The following PTDSS1 variants were observed in gnomAD, a reference collection of about 807,000 sequenced individuals.
PTDSS1 encodes the protein PSS-1.
In PTDSS1, 45 loss-of-function variants were observed where a neutral mutation model predicts 70.5. The ratio of observed to expected loss-of-function variants is 0.64; its 90% CI spans 0.50 to 0.82. PTDSS1 has a LOEUF of 0.82. Among genes scored for constraint, PTDSS1 ranks in the 40% least tolerant of loss-of-function variants. The pLI is 0.00. For synonymous variants in PTDSS1, 188 were observed against 203.8 expected (o/e 0.92, Z 0.66); for missense variants, 417 against 586.1 (o/e 0.71, Z 2.98).
In PTDSS1 at chr8:96,323,065, A is replaced by C. The variant is rs190538310; in HGVS notation, c.1173+2720A>C. On this transcript the variant is annotated intron_variant, in intron 10 of 12. Coordinates refer to ENST00000517309, the MANE Select transcript of PTDSS1 (RefSeq NM_014754.3). Reference sequence around the variant, plus strand: ...CAGTCCCAAGTAAGTACAGAACCCAACAGGGAAACATTACATCTTAAAGCT... The same window carrying C: ...CAGTCCCAAGTAAGTACAGAACCCACCAGGGAAACATTACATCTTAAAGCT... 8.5e-5 allele frequency among the ~76,000 whole-genome samples: 13 copies of C among 152,388 alleles called. No homozygotes were observed. In the East Asian group the frequency reaches 2.5e-3, roughly 29 times the overall value.
At chr8:96,315,704 A>T (rs910324982) in intron 9 of PTDSS1, among the ~76,000 whole-genome samples, 2 of 152,170 alleles carry the variant, frequency 1.3e-5, no homozygotes, top group Non-Finnish European at 2.9e-5. Context: ...GAAGCACCTC[A>T]GGCTGCCCAA....
chr8:96,281,453 C>T (rs1387813267), intron 2 of PTDSS1, among the ~76,000 whole-genome samples: 1 of 152,088 alleles, frequency 6.6e-6, no homozygotes, highest in Non-Finnish European at 1.5e-5. Context: ...CTTTTGTAGG[C>T]AAAAGTTACC....
chr8:96,282,847 C>T (rs1810759861), intron 2 of PTDSS1, among the ~76,000 whole-genome samples: 1 of 152,146 alleles, frequency 6.6e-6, no homozygotes, highest in Admixed American at 6.5e-5. Flanking sequence ...AGGAGTGGCT[C>T]ACAGTGTCAT....
At chr8:96,276,718 G>T (rs143468535) in intron 2 of PTDSS1, among the ~76,000 whole-genome samples, 1,751 of 152,244 alleles carry the variant, frequency 0.012, 36 homozygotes, top group African/African-American at 0.041. Context: ...GTCTCCTGCT[G>T]TTTCTCTTTT....
At chr8:96,272,465 A>T (rs1339570811) in intron 1 of PTDSS1, among the ~76,000 whole-genome samples, 1 of 152,174 alleles carries the variant, frequency 6.6e-6, no homozygotes, top group East Asian at 1.9e-4. Flanking sequence ...AATGTCTTTT[A>T]TACCAACCCT....
intron 9 of PTDSS1, among the ~76,000 whole-genome samples, chr8:96,314,471 G>A (rs920342786): frequency 6.6e-6 from 1 of 152,114 alleles, no homozygotes; most frequent in African/African-American, 2.4e-5. Flanking sequence ...AGTCACCGCC[G>A]TCCTGCTGGT....
chr8:96,294,417 A>G (rs1810947154), intron 4 of PTDSS1, among the ~76,000 whole-genome samples: 1 of 152,224 alleles, frequency 6.6e-6, no homozygotes, highest in Non-Finnish European at 1.5e-5. Context: ...ATGATAAGAT[A>G]TTAAATTACT....
chr8:96,276,690 C>T (rs752076540), intron 2 of PTDSS1, among the ~76,000 whole-genome samples: 4 of 152,174 alleles, frequency 2.6e-5, no homozygotes, highest in Non-Finnish European at 5.9e-5. Flanking sequence ...CTCTGGCTTT[C>T]TCCATAATAT....
chr8:96,270,422 A>G (rs1038655108), intron 1 of PTDSS1, among the ~76,000 whole-genome samples: 3 of 152,194 alleles, frequency 2.0e-5, no homozygotes, highest in Non-Finnish European at 4.4e-5. Context: ...CAGACCTTAT[A>G]GAATGGCCCT....
intron 2 of PTDSS1, among the ~76,000 whole-genome samples, chr8:96,278,972 C>CCCTTT (rs1554582702): frequency 4.9e-5 from 6 of 122,636 alleles, no homozygotes; most frequent in African/African-American, 1.9e-4. Flanking sequence ...TTCAGCCCCC[C>CCCTTT]TTTTTTTTTT....
At chr8:96,294,408 T>C (rs1810947014) in intron 4 of PTDSS1, among the ~76,000 whole-genome samples, 1 of 152,228 alleles carries the variant, frequency 6.6e-6, no homozygotes, top group Non-Finnish European at 1.5e-5. Context: ...TGCAGTCATA[T>C]GATAAGATAT....
At position 96,263,471 on chromosome 8, in the gene PTDSS1, A is replaced by AG. The variant is rs542838899; in HGVS notation, c.179+1256dup. The stretch of plus-strand genomic sequence containing the variant: ...GTTGCATAACCTTGCTCTGAGCCTC[A>AG]GGGGCCACACTCGTAAAATGGGGAT... On this transcript the variant is annotated intron_variant, in intron 1 of 12. Transcript: ENST00000517309. Among the ~76,000 whole-genome samples, 5 of 152,318 alleles carry AG rather than the reference A, an allele frequency of 3.3e-5. No homozygotes were observed. In the South Asian group the frequency reaches 1.0e-3, roughly 32 times the overall value.
intron 10 of PTDSS1, among the ~76,000 whole-genome samples, chr8:96,328,168 C>T (rs1811465083): frequency 6.6e-6 from 1 of 152,138 alleles, no homozygotes; most frequent in Non-Finnish European, 1.5e-5. Flanking sequence ...GCGTGCCTGC[C>T]CTCTGGTGGT....
chr8:96,327,832 C>T (rs1355803955), intron 10 of PTDSS1, among the ~76,000 whole-genome samples: 2 of 152,162 alleles, frequency 1.3e-5, no homozygotes, highest in African/African-American at 4.8e-5. Context: ...GTAGTTTCTT[C>T]TCGCCCCCCC....
chr8:96,336,175 C>T lies in PTDSS1; in HGVS notation c.*2609C>T, dbSNP rs749159517. The T allele has an allele frequency of 6.6e-6, 1 of 152,034 alleles. No individual in the cohort carries two copies. Among genetic ancestry groups the T allele is most frequent in the Non-Finnish European group, 1.5e-5 (1 of 68,038 alleles). The allele number at this position is 152,034 out of a possible 1,614,324, so 9.4% of individuals were successfully genotyped here. ...ATTTTGATGATACAAGACATCCTAT[C>T]AATGCCAGTCTTATTTTCGCTAGGA... On this transcript the variant is annotated 3_prime_UTR_variant, in exon 13 of 13. Coordinates refer to ENST00000517309, the MANE Select transcript of PTDSS1 (RefSeq NM_014754.3).
rs572247820 is a variant in PTDSS1, at chr8:96,262,313, G to A, written c.179+94G>A. The A allele has an allele frequency of 2.1e-6, 3 of 1,426,234 alleles. No individual in the cohort carries two copies. The highest frequency in any genetic ancestry group is 2.4e-5 in the East Asian group (1 of 41,388). The allele number at this position is 1,426,234 out of a possible 1,614,324, so 88.3% of individuals were successfully genotyped here. A position where few individuals can be genotyped will look rare whatever the true frequency, so the allele number is the denominator to read the frequency against. On this transcript the variant is annotated intron_variant, in intron 1 of 12. Transcript: ENST00000517309. This position sits in a 1 kb window ranked among gnomAD's most constrained non-coding sequence, Gnocchi z 4.4. ...GGAGGGGGGCCCGGCATGGCTCTGG[G>A]TGAGGAAGTGGGCTGGCTGCTCCAC...
chr8:96,280,948 G>A (rs1017327897), intron 2 of PTDSS1, among the ~76,000 whole-genome samples: 39 of 152,178 alleles, frequency 2.6e-4, no homozygotes, highest in African/African-American at 9.2e-4. Flanking sequence ...AATAAGATCT[G>A]TGGGGAAGGC....
intron 8 of PTDSS1, among the ~76,000 whole-genome samples, chr8:96,308,505 A>C (rs1404604973): frequency 6.6e-6 from 1 of 152,156 alleles, no homozygotes; most frequent in Non-Finnish European, 1.5e-5. Flanking sequence ...TTCCTGGTTC[A>C]GGTGCTACTG....
At chr8:96,309,472 T>C in intron 8 of PTDSS1, 85 bp from the exon 9 acceptor site, 1 of 1,318,954 alleles carries the variant, frequency 7.6e-7, no homozygotes, top group Admixed American at 1.8e-5. Flanking sequence ...GAGGGACGTT[T>C]TTTACTTTGT....
Sources: allele counts gnomAD v4.1 joint callset (sites outside exome capture counted in the v4.1 genomes callset), GRCh38; gene constraint gnomAD v4.1.1; non-coding constraint Gnocchi (gnomAD v3.1); transcripts MANE v1.5; gene names NCBI Gene and HGNC (gene_info 2026-07-23, HGNC 2026-07-21).